Variants in NCF2 observed in about 807,000 individuals in gnomAD.
The protein encoded by NCF2 is neutrophil cytosol factor 2.
A neutral mutation model predicts 70.9 loss-of-function variants in NCF2; 45 were observed. That is an observed-to-expected ratio of 0.63 (90% CI 0.50 to 0.81). The LOEUF (loss-of-function observed/expected upper bound fraction) is 0.81, where lower values mean the gene tolerates loss of function less well. Among genes scored for constraint, NCF2 ranks in the 40% least tolerant of loss-of-function variants. The pLI is 0.00. For synonymous variants in NCF2, 203 were observed against 233.6 expected (o/e 0.87, Z 1.19); for missense variants, 522 against 631.6 (o/e 0.83, Z 1.86).
intron 3 of NCF2, among the ~76,000 whole-genome samples, chr1:183,576,050 G>C (rs1672787705): frequency 6.6e-6 from 1 of 152,198 alleles, no homozygotes; most frequent in Admixed American, 6.5e-5. Flanking sequence ...CTTCTCTTAA[G>C]ACATTTCTCT....
At chr1:183,560,739 G>A (rs1049715820) in intron 13 of NCF2, among the ~76,000 whole-genome samples, 2 of 152,258 alleles carry the variant, frequency 1.3e-5, no homozygotes, top group Non-Finnish European at 2.9e-5. Context: ...GTGCTGGCCC[G>A]TGGCCTGGAG....
chr1:183,575,449 A>G (rs1672759641), intron 3 of NCF2, among the ~76,000 whole-genome samples: 1 of 151,962 alleles, frequency 6.6e-6, no homozygotes, highest in Non-Finnish European at 1.5e-5. Flanking sequence ...GTGGGGGGGG[A>G]ATGGTAAATG....
the NCF2 span, among the ~76,000 whole-genome samples, chr1:183,596,543 G>A: frequency 6.6e-6 from 1 of 152,056 alleles, no homozygotes; most frequent in South Asian, 2.1e-4. Flanking sequence ...AGAGGCCAAG[G>A]TGGGCGGATC....
At position 183,574,571 on chromosome 1, in the gene NCF2, T is replaced by A. The variant is rs780235098; in HGVS notation, c.417A>T (p.Lys139Asn). ...FMYAKKEEWK[K>N]AEEQLALATS... Reference sequence around the variant, plus strand: ...TGGCCAATGCTAACTGTTCTTCAGCTTTTTTCCATTCCTCCTTCTTGGCAT... The same window carrying A: ...TGGCCAATGCTAACTGTTCTTCAGCATTTTTCCATTCCTCCTTCTTGGCAT... The change falls in exon 4 of 15, where the codon AAA (lysine) becomes AAT (asparagine). Residue 139 changes from lysine (K) to asparagine (N), a missense_variant. Physicochemically the swap from Lys to Asn is moderately conservative, Grantham distance 94. Coordinates refer to ENST00000367535, the MANE Select transcript of NCF2 (RefSeq NM_000433.4). The A allele has an allele frequency of 6.2e-7, 1 of 1,614,184 alleles. No homozygotes were observed. The highest frequency in any genetic ancestry group is 1.1e-5 in the South Asian group (1 of 91,082).
chr1:183,573,990 T>C (rs773559932), intron 4 of NCF2, among the ~76,000 whole-genome samples: 1 of 152,226 alleles, frequency 6.6e-6, no homozygotes, highest in Non-Finnish European at 1.5e-5. Flanking sequence ...CTTGGGCGGC[T>C]GAGGCAGCAG....
the NCF2 span, among the ~76,000 whole-genome samples, chr1:183,599,403 TTTCTTTCTTTCTTTCTTTCC>T: frequency 2.9e-3 from 408 of 140,748 alleles, 1 homozygote; most frequent in Admixed American, 5.4e-3. Flanking sequence ...CAAACCTCTT[TTTCTTTCTTTCTTTCTTTCC>T]TTCTTTCTTT....
At chr1:183,582,167 A>AGAGGT in intron 2 of NCF2, among the ~76,000 whole-genome samples, 1 of 152,302 alleles carries the variant, frequency 6.6e-6, no homozygotes, top group East Asian at 1.9e-4. Context: ...CCAAAATAGC[A>AGAGGT]TTCAGCGCTG....
At position 183,579,765 on chromosome 1, in the gene NCF2, G is replaced by A. The variant is rs923411352; in HGVS notation, c.258-2058C>T. On this transcript the variant is annotated intron_variant, in intron 2 of 14. Transcript: ENST00000367535. ...AAAAAAAAAAAAAAAAAAAAAAAAA[G>A]AGAATAATAACAGCATATACCTCAC... is the stretch of plus-strand genomic sequence containing the variant. 2.1e-3 allele frequency among the ~76,000 whole-genome samples: 233 copies of A among 109,622 alleles called. 1 individual carries two copies. The highest frequency in any genetic ancestry group is 5.3e-3 in the African/African-American group (151 of 28,632). The allele number at this position is 109,622 out of a possible 152,430, so 71.9% of individuals were successfully genotyped here.
chr1:183,588,141 G>C (rs1453789853), intron 1 of NCF2, among the ~76,000 whole-genome samples: 3 of 152,118 alleles, frequency 2.0e-5, no homozygotes, highest in African/African-American at 7.2e-5. Flanking sequence ...ACAATGCAGC[G>C]AGACTGTGCT....
At position 183,555,928 on chromosome 1, in the gene NCF2, A is replaced by G. The variant is rs2102866775; in HGVS notation, c.*190T>C. Reference sequence around the variant, plus strand: ...TCCATTCACCTGTCCCCATCTCCTCACCCACTGTGCCCCAGGAAATCATCC... The same window carrying G: ...TCCATTCACCTGTCCCCATCTCCTCGCCCACTGTGCCCCAGGAAATCATCC... On this transcript the variant is annotated 3_prime_UTR_variant, in exon 15 of 15. Coordinates refer to ENST00000367535, the MANE Select transcript of NCF2 (RefSeq NM_000433.4). 1.6e-6 allele frequency: 1 copy of G among 639,868 alleles called. No individual in the cohort carries two copies. The highest frequency in any genetic ancestry group is 2.8e-6 in the Non-Finnish European group (1 of 356,264). The allele number at this position is 639,868 out of a possible 1,614,324, so 39.6% of individuals were successfully genotyped here.
chr1:183,582,414 A>G (rs1235757771), intron 2 of NCF2, among the ~76,000 whole-genome samples: 4 of 152,158 alleles, frequency 2.6e-5, no homozygotes, highest in Non-Finnish European at 5.9e-5. Flanking sequence ...CAGGGGATCC[A>G]CCAGCTGAAG....
intron 2 of NCF2, 29 bp from the exon 3 acceptor site, chr1:183,577,736 G>T: frequency 7.0e-7 from 1 of 1,438,718 alleles, no homozygotes; most frequent in Non-Finnish European, 9.8e-7. Context: ...AAATACAGCA[G>T]TCTAGTGGAT....
At chr1:183,557,440 A>G (rs1261441465) in intron 14 of NCF2, among the ~76,000 whole-genome samples, 1 of 152,222 alleles carries the variant, frequency 6.6e-6, no homozygotes, top group South Asian at 2.1e-4. Flanking sequence ...TAGAAATGAA[A>G]AATCCCAGAT....
intron 2 of NCF2, among the ~76,000 whole-genome samples, chr1:183,584,998 C>G (rs1044634601): frequency 2.0e-5 from 3 of 152,218 alleles, no homozygotes; most frequent in Non-Finnish European, 4.4e-5. Context: ...ATCCCAGGCT[C>G]TCTTTCTCCC....
chr1:183,589,097 TG>T (rs1372590167), intron 1 of NCF2, among the ~76,000 whole-genome samples: 1 of 152,194 alleles, frequency 6.6e-6, no homozygotes, highest in East Asian at 1.9e-4. Flanking sequence ...GAGATTGACT[TG>T]TCAAGCTATG....
At chr1:183,587,196 T>C (rs1162155615) in intron 1 of NCF2, among the ~76,000 whole-genome samples, 1 of 152,230 alleles carries the variant, frequency 6.6e-6, no homozygotes, top group Non-Finnish European at 1.5e-5. Context: ...CCTTGTATTG[T>C]CATTCCAGTT....
rs34158094 is a variant in NCF2 at position 183,573,343 on chromosome 1, T to C, written c.502-51A>G. ...CCTTATGTGAAAATGGGGGTGACGA[T>C]GCTTGTCCTGCCTCCCTCAGTGAAT... is the stretch of plus-strand genomic sequence containing the variant. On this transcript the variant is annotated intron_variant, in intron 4 of 14. Coordinates refer to ENST00000367535, the MANE Select transcript of NCF2 (RefSeq NM_000433.4). 2.7e-4 allele frequency: 408 copies of C among 1,493,188 alleles called. 2 individuals carry two copies. The African/African-American group carries it at 4.9e-3, about 18-fold the overall frequency. 92.5% of individuals were successfully genotyped at this position (1,493,188 alleles called of 1,614,324 possible).
intron 10 of NCF2, among the ~76,000 whole-genome samples, chr1:183,565,432 G>A (rs992340242): frequency 6.6e-6 from 1 of 152,176 alleles, no homozygotes; most frequent in Non-Finnish European, 1.5e-5. Flanking sequence ...AATGATCAAG[G>A]GGTTTGGTGA....
At chr1:183,601,010 T>A in the NCF2 span, among the ~76,000 whole-genome samples, 3 of 152,232 alleles carry the variant, frequency 2.0e-5, no homozygotes, top group African/African-American at 7.2e-5. Context: ...TTACTTTAGT[T>A]CCTTAATTTT....
Sources: gnomAD v4.1 joint callset for allele counts (sites outside exome capture counted in the v4.1 genomes callset) on GRCh38, gnomAD v4.1.1 for gene constraint, MANE v1.5 for transcripts, NCBI Gene and HGNC (gene_info 2026-07-23, HGNC 2026-07-21) for gene names.